The following NEK11 variants were observed in gnomAD, a reference collection of about 807,000 sequenced individuals.
NEK11 encodes the protein serine/threonine-protein kinase Nek11.
A neutral mutation model predicts 80.7 loss-of-function variants in NEK11; 72 were observed. The observed-to-expected ratio is 0.89, with a 90% CI of 0.74 to 1.08. NEK11 has a LOEUF of 1.08. Among genes scored for constraint, NEK11 ranks in the 50% least tolerant of loss-of-function variants. The probability of loss-of-function intolerance (pLI) is 0.00; values close to 1 mark genes in which losing one functional copy is unlikely to be tolerated. For synonymous variants in NEK11, 251 were observed against 260.7 expected, an observed-to-expected ratio of 0.96 and a Z score of 0.36; for missense variants, 764 against 763.6, an observed-to-expected ratio of 1.00 and a Z score of -0.01.
intron 3 of NEK11, among the ~76,000 whole-genome samples, chr3:131,061,092 A>G (rs946104575): frequency 2.2e-4 from 33 of 152,326 alleles, no homozygotes; most frequent in Middle Eastern, 6.8e-3. Flanking sequence ...GAAACCTGCT[A>G]TAGATCAAAC....
chr3:131,039,468 T>G (rs560364939), intron 3 of NEK11, among the ~76,000 whole-genome samples: 71 of 152,312 alleles, frequency 4.7e-4, no homozygotes, highest in African/African-American at 1.6e-3. Flanking sequence ...AGCCCAGCTC[T>G]CTTCCTGGCA....
At chr3:131,134,303 A>T (rs2085103622) in intron 7 of NEK11, 1 of 170,142 alleles carries the variant, frequency 5.9e-6, no homozygotes, top group Non-Finnish European at 1.2e-5. Flanking sequence ...TTCTATTTTA[A>T]GGTTAACTTC....
At chr3:131,342,111 C>G (rs970252982) in intron 17 of NEK11, among the ~76,000 whole-genome samples, 3 of 152,160 alleles carry the variant, frequency 2.0e-5, no homozygotes, top group East Asian at 1.9e-4. Flanking sequence ...CAGAAAGAGG[C>G]CTTCAAGGCA....
intron 6 of NEK11, 68 bp downstream of exon 6, chr3:131,132,877 T>C (rs958397738): frequency 8.6e-6 from 6 of 697,076 alleles, no homozygotes; most frequent in Non-Finnish European, 1.4e-5. Flanking sequence ...TCATATCAAA[T>C]TGAAGTAAAT....
At chr3:131,257,465 T>C (rs1035798261) in intron 16 of NEK11, among the ~76,000 whole-genome samples, 11 of 152,078 alleles carry the variant, frequency 7.2e-5, no homozygotes, top group African/African-American at 2.4e-4. Flanking sequence ...AAATAACAAA[T>C]ATTTACTATA....
intron 17 of NEK11, among the ~76,000 whole-genome samples, chr3:131,311,117 A>G (rs2096778092): frequency 6.6e-6 from 1 of 151,962 alleles, no homozygotes; most frequent in African/African-American, 2.4e-5. Flanking sequence ...CTTTTTTTCA[A>G]AAAGTTTTTA....
chr3:131,207,312 G>A (rs994293059), intron 14 of NEK11, among the ~76,000 whole-genome samples: 5 of 152,278 alleles, frequency 3.3e-5, no homozygotes, highest in Admixed American at 6.5e-5. Context: ...GGCTGGGCAC[G>A]GTGGCCCATG....
At chr3:131,250,027 A>C (rs1034848011) in intron 16 of NEK11, among the ~76,000 whole-genome samples, 1 of 152,094 alleles carries the variant, frequency 6.6e-6, no homozygotes, top group Non-Finnish European at 1.5e-5. Context: ...AACAATATTA[A>C]AATTCTAAAA....
chr3:131,291,124 A>G (rs1301455024), intron 17 of NEK11, among the ~76,000 whole-genome samples: 1 of 152,152 alleles, frequency 6.6e-6, no homozygotes, highest in African/African-American at 2.4e-5. Flanking sequence ...GCAACCACTG[A>G]TCTTTTTACT....
At chr3:131,337,069 C>G (rs1414984672) in intron 17 of NEK11, among the ~76,000 whole-genome samples, 13 of 152,108 alleles carry the variant, frequency 8.5e-5, no homozygotes, top group African/African-American at 2.9e-4. Flanking sequence ...ATTCCTCAGG[C>G]ATCTAGAACT....
chr3:131,058,434 T>C (rs2070099220), intron 3 of NEK11, among the ~76,000 whole-genome samples: 1 of 152,148 alleles, frequency 6.6e-6, no homozygotes, highest in Non-Finnish European at 1.5e-5. Context: ...AGAAAGTCAT[T>C]GGTAGCTTGA....
chr3:131,300,006 G>T (rs2096643731), intron 17 of NEK11, among the ~76,000 whole-genome samples: 1 of 152,168 alleles, frequency 6.6e-6, no homozygotes, highest in South Asian at 2.1e-4. Context: ...CAGTGTATAA[G>T]CATTCCCTTT....
At chr3:131,100,875 T>G (rs2078265934) in intron 4 of NEK11, among the ~76,000 whole-genome samples, 1 of 152,098 alleles carries the variant, frequency 6.6e-6, no homozygotes, top group African/African-American at 2.4e-5. Flanking sequence ...GGTGCAGGAC[T>G]TTTTTTGGTT....
intron 5 of NEK11, among the ~76,000 whole-genome samples, chr3:131,113,766 G>A (rs1384368116): frequency 2.6e-5 from 4 of 151,926 alleles, no homozygotes; most frequent in Non-Finnish European, 4.4e-5. Context: ...CAAAAAATTA[G>A]CGAGGCATGG....
chr3:131,243,545 T>C, intron 16 of NEK11, 49 bp downstream of exon 16: 1 of 1,462,130 alleles, frequency 6.8e-7, no homozygotes, highest in Non-Finnish European at 9.6e-7. Flanking sequence ...CTACTGATTA[T>C]CTTGGAATAA....
chr3:131,098,143 C>T (rs1489364837), intron 4 of NEK11, among the ~76,000 whole-genome samples: 1 of 151,974 alleles, frequency 6.6e-6, no homozygotes, highest in Non-Finnish European at 1.5e-5. Context: ...ACACCTTATA[C>T]AAAAATTAAT....
At chr3:131,338,361 A>G (rs1300179186) in intron 17 of NEK11, among the ~76,000 whole-genome samples, 1 of 150,620 alleles carries the variant, frequency 6.6e-6, no homozygotes, top group African/African-American at 2.4e-5. Context: ...TGCAAAATGG[A>G]ACATCTGCTT....
chr3:131,206,951 A>T (rs896865240), intron 14 of NEK11, among the ~76,000 whole-genome samples: 8 of 152,152 alleles, frequency 5.3e-5, no homozygotes, highest in Non-Finnish European at 1.0e-4. Flanking sequence ...TTTGCTGGGA[A>T]TGATGGTTTC....
chr3:131,303,552 G>A (rs1028119412), intron 17 of NEK11, among the ~76,000 whole-genome samples: 45 of 152,092 alleles, frequency 3.0e-4, no homozygotes, highest in African/African-American at 9.7e-4. Flanking sequence ...GAATTTGCTT[G>A]TCTTAAAAGG....
Sources: allele counts gnomAD v4.1 joint callset (sites outside exome capture counted in the v4.1 genomes callset), GRCh38; gene constraint gnomAD v4.1.1; transcripts MANE v1.5; gene names NCBI Gene and HGNC (gene_info 2026-07-23, HGNC 2026-07-21).